ARFGEF3: variants seen among roughly 807,000 people sequenced by gnomAD.
ARFGEF3 encodes the protein ARFGEF family member 3.
Under a neutral mutation model 221.7 loss-of-function variants are expected in ARFGEF3, and 96 were observed. The ratio of observed to expected loss-of-function variants is 0.43; its 90% CI spans 0.37 to 0.51. ARFGEF3 has a LOEUF of 0.51. Ranked by LOEUF, ARFGEF3 falls within the 20% of genes least tolerant of loss-of-function variation. The pLI, the probability that ARFGEF3 is intolerant of heterozygous loss-of-function variation, is 0.00. For missense variants in ARFGEF3, 2,410 were observed against 2,789.9 expected, an observed-to-expected ratio of 0.86 and a Z score of 3.07; for synonymous variants, 1,145 against 1,126.8, an observed-to-expected ratio of 1.02 and a Z score of -0.32.
At chr6:138,332,496 A>G (rs1233683348) in intron 32 of ARFGEF3, among the ~76,000 whole-genome samples, 1 of 152,162 alleles carries the variant, frequency 6.6e-6, no homozygotes, top group Non-Finnish European at 1.5e-5. Context: ...CCTTTTTAGT[A>G]TGCATCCTGT....
chr6:138,278,655 G>A (rs1779143060), intron 13 of ARFGEF3, 38 bp downstream of exon 13: 1 of 1,607,182 alleles, frequency 6.2e-7, no homozygotes, highest in Non-Finnish European at 8.5e-7. Context: ...GCAGAGGGCA[G>A]GCTGTAACTT....
At chr6:138,305,883 A>T (rs1187111678) in intron 22 of ARFGEF3, among the ~76,000 whole-genome samples, 1 of 152,210 alleles carries the variant, frequency 6.6e-6, no homozygotes, top group African/African-American at 2.4e-5. Context: ...ATCTTTGAGA[A>T]TCCTACATCT....
rs1167806265 is a variant in ARFGEF3 at position 138,328,033 on chromosome 6, G to GACACCCAGTGCTC, written c.5017_5029dup (p.Pro1677HisfsTer12). ...CACCCCCATACAGGTGTTTATGCTGGACACCCAGTGCTCACCAAAGACACC... is the reference window on the plus strand; with the variant it reads ...CACCCCCATACAGGTGTTTATGCTGGACACCCAGTGCTCACACCCAGTGCTCACCAAAGACACC... On this transcript the variant is annotated frameshift_variant, in exon 32 of 34. Transcript: ENST00000251691. LOFTEE classifies it high-confidence loss of function. 6.4e-7 allele frequency: 1 copy of GACACCCAGTGCTC among 1,552,868 alleles called. No homozygotes were observed. The highest frequency in any genetic ancestry group is 1.4e-5 in the African/African-American group (1 of 73,080).
chr6:138,172,901 A>G (rs911712750), intron 2 of ARFGEF3, among the ~76,000 whole-genome samples: 3 of 152,202 alleles, frequency 2.0e-5, no homozygotes, highest in Admixed American at 6.5e-5. Flanking sequence ...CTTTGGACCA[A>G]TTTTGTGCAT....
chr6:138,294,220 A>G, intron 20 of ARFGEF3, 94 bp downstream of exon 20: 1 of 1,316,812 alleles, frequency 7.6e-7, no homozygotes, highest in Non-Finnish European at 1.1e-6. Flanking sequence ...ATTTGACTCC[A>G]CATTCCCATT....
chr6:138,218,227 C>CT (rs1562357521), intron 4 of ARFGEF3: 1 of 1,613,566 alleles, frequency 6.2e-7, no homozygotes, highest in Admixed American at 1.7e-5. Flanking sequence ...TTTACTTTTT[C>CT]TTTTTTTCGA....
rs895592759 is a variant in ARFGEF3, at chr6:138,185,368, C to G, written c.137+14655C>G. On this transcript the variant is annotated intron_variant, in intron 2 of 33. Transcript: ENST00000251691. ...CTAATCTGCCTCCTTGTTTAGGACACGGAGGGAATTGGACTTTGTTACTTG... is the reference window on the plus strand; with the variant it reads ...CTAATCTGCCTCCTTGTTTAGGACAGGGAGGGAATTGGACTTTGTTACTTG... Among the ~76,000 whole-genome samples the G allele has an allele frequency of 2.0e-5, 3 of 152,054 alleles. No individual in the cohort carries two copies. In the East Asian group the frequency reaches 5.8e-4, roughly 29 times the overall value.
chr6:138,287,278 G>A, intron 17 of ARFGEF3, 94 bp downstream of exon 17: 1 of 909,648 alleles, frequency 1.1e-6, no homozygotes, highest in Non-Finnish European at 1.7e-6. Flanking sequence ...ACTCGTGCCT[G>A]TTCTGTGTGT....
chr6:138,259,784 C>T (rs1778752289), intron 10 of ARFGEF3, among the ~76,000 whole-genome samples: 1 of 152,080 alleles, frequency 6.6e-6, no homozygotes, highest in Non-Finnish European at 1.5e-5. Flanking sequence ...CATGGTGGCG[C>T]ACACCTGTGG....
intron 4 of ARFGEF3, 135 bp downstream of exon 4, chr6:138,210,176 C>A: frequency 1.2e-6 from 1 of 830,472 alleles, no homozygotes; most frequent in Non-Finnish European, 1.8e-6. Context: ...GCTTGTTATT[C>A]TTGCTCATGG....
rs755780283 is a variant in ARFGEF3 at position 138,253,925 on chromosome 6, T to C, written c.711T>C (p.Ser237=). The change falls in exon 9 of 34, where the codon TCT becomes TCC. Residue 237 remains serine, a synonymous_variant. Coordinates refer to ENST00000251691, the MANE Select transcript of ARFGEF3 (RefSeq NM_020340.5). ...LQLLYLECIL[S]VLSSSSSSMH... ...TTCTCTACCTGGAGTGCATCCTGTC[T>C]GTGCTCAGCAGCTCCTCCTCCTCCA... 5 of 1,596,532 alleles carry C rather than the reference T, an allele frequency of 3.1e-6. No individual in the cohort carries two copies. Among genetic ancestry groups the C allele is most frequent in the Non-Finnish European group, 4.3e-6 (5 of 1,171,758 alleles).
intron 2 of ARFGEF3, among the ~76,000 whole-genome samples, chr6:138,200,331 A>G (rs1777510780): frequency 6.6e-6 from 1 of 152,082 alleles, no homozygotes; most frequent in Non-Finnish European, 1.5e-5. Context: ...CAATTCTAAA[A>G]TTCATATGGA....
rs747388138 is a variant in ARFGEF3 at position 138,262,967 on chromosome 6, C to T, written c.1484C>T (p.Ser495Leu). 2 of 1,599,436 alleles carry T rather than the reference C, an allele frequency of 1.3e-6. No homozygotes were observed. Among genetic ancestry groups the T allele is most frequent in the Admixed American group, 1.8e-5 (1 of 56,968 alleles). ...VLSSEHTPWE[S>L]GNERSLDISI... ...TCCTCAGAACACACGCCGTGGGAGT[C>T]AGGGAACGAGAGGAGCCTTGACATC... is the stretch of plus-strand genomic sequence containing the variant. The change falls in exon 12 of 34, where the codon TCA (serine) becomes TTA (leucine). Residue 495 changes from serine (S) to leucine (L), a missense_variant. Physicochemically the swap from Ser to Leu is moderately radical, Grantham distance 145. Coordinates refer to ENST00000251691, the MANE Select transcript of ARFGEF3 (RefSeq NM_020340.5).
intron 2 of ARFGEF3, among the ~76,000 whole-genome samples, chr6:138,173,475 T>C (rs1389714365): frequency 1.3e-5 from 2 of 152,212 alleles, no homozygotes; most frequent in African/African-American, 4.8e-5. Flanking sequence ...TGTGGTTCAG[T>C]GTGAGGAGCA....
Position 138,245,530 on chromosome 6 carries a change from C to G in ARFGEF3, c.604C>G (p.Leu202Val). 1 of 1,611,332 alleles carries G rather than the reference C, an allele frequency of 6.2e-7. No homozygotes were observed. Residue 202 changes from leucine to valine, a missense_variant, in exon 8 of 34, where the codon CTC (leucine) becomes GTC (valine). Transcript: ENST00000251691. ...TTTTGAAGGGTCAACAGTAGAGTCC[C>G]TCTGTGATGATGTTGTCTCTGTACT... The part of the protein sequence containing the change: ...FGNQGSTVES[L>V]CDDVVSVLTV...
In ARFGEF3 at chr6:138,336,387, C is replaced by A; in HGVS notation, c.6435C>A (p.Cys2145Ter). 2 of 1,613,428 alleles carry A rather than the reference C, an allele frequency of 1.2e-6. No individual in the cohort carries two copies. Among genetic ancestry groups the A allele is most frequent in the Non-Finnish European group, 1.7e-6 (2 of 1,179,674 alleles). ...FTALQPAVFP[C>*]ISQLTCHVTD... is the part of the protein sequence containing the mutation. ...CCCTCCAGCCCGCAGTGTTCCCGTG[C>A]ATCAGTCAGCTGACCTGTCACGTGA... The change falls in exon 34 of 34, where the codon TGC becomes TGA. Residue 2145 changes from cysteine (C) to a stop codon, truncating the protein, a stop_gained. Transcript: ENST00000251691. LOFTEE classifies it high-confidence loss of function.
chr6:138,223,688 C>T (rs1778025187), intron 4 of ARFGEF3, among the ~76,000 whole-genome samples: 1 of 152,156 alleles, frequency 6.6e-6, no homozygotes. Context: ...AAAATCAGCT[C>T]ACATTTTGAT....
At chr6:138,235,488 C>A (rs899675561) in intron 5 of ARFGEF3, among the ~76,000 whole-genome samples, 4 of 152,122 alleles carry the variant, frequency 2.6e-5, no homozygotes, top group Non-Finnish European at 4.4e-5. Context: ...CAATAATGGG[C>A]AGAATAAAAG....
intron 2 of ARFGEF3, among the ~76,000 whole-genome samples, chr6:138,174,193 G>A (rs554968486): frequency 6.6e-6 from 1 of 152,192 alleles, no homozygotes; most frequent in East Asian, 1.9e-4. Flanking sequence ...ATTCACAATA[G>A]TGGGGAACTT....
Sources: gnomAD v4.1 joint callset for allele counts (sites outside exome capture counted in the v4.1 genomes callset) on GRCh38, gnomAD v4.1.1 for gene constraint, MANE v1.5 for transcripts, NCBI Gene and HGNC (gene_info 2026-07-23, HGNC 2026-07-21) for gene names.